Variants in DGKB observed in about 807,000 individuals in gnomAD.
DGKB encodes the protein diacylglycerol kinase beta.
DGKB carries 67 observed loss-of-function variants against 114.3 expected under a neutral mutation model. The observed-to-expected ratio is 0.59, with a 90% CI of 0.48 to 0.72. DGKB has a LOEUF of 0.72. Among genes scored for constraint, DGKB ranks in the 30% least tolerant of loss-of-function variants. The pLI is 0.00. For missense variants in DGKB, 907 were observed against 975.2 expected, an observed-to-expected ratio of 0.93 and a Z score of 0.93; for synonymous variants, 398 against 323.1, an observed-to-expected ratio of 1.23 and a Z score of -2.49.
chr7:14,680,744 TTAAA>T (rs998680594), intron 12 of DGKB, among the ~76,000 whole-genome samples: 1 of 151,866 alleles, frequency 6.6e-6, no homozygotes, highest in Non-Finnish European at 1.5e-5. Context: ...TTCATGGAGA[TTAAA>T]TAGAGAAAGA....
chr7:14,725,141 G>A (rs947826750), intron 5 of DGKB, among the ~76,000 whole-genome samples: 2 of 151,756 alleles, frequency 1.3e-5, no homozygotes, highest in African/African-American at 4.8e-5. Context: ...ACTGCAGTCT[G>A]GGCAACAAAC....
chr7:14,857,047 A>G (rs563647118), intron 1 of DGKB, among the ~76,000 whole-genome samples: 4 of 152,200 alleles, frequency 2.6e-5, no homozygotes, highest in Non-Finnish European at 5.9e-5. Flanking sequence ...AGATGACATT[A>G]TATGTCCAAC....
intron 21 of DGKB, among the ~76,000 whole-genome samples, chr7:14,365,563 C>T (rs74968566): frequency 0.025 from 3,871 of 151,910 alleles, 77 homozygotes; most frequent in South Asian, 0.11. Flanking sequence ...ATATCTATCT[C>T]GTAATTATTA....
chr7:14,348,096 A>C (rs914475779), intron 21 of DGKB, among the ~76,000 whole-genome samples: 2 of 152,036 alleles, frequency 1.3e-5, no homozygotes, highest in East Asian at 3.9e-4. Flanking sequence ...GTTAAGATGC[A>C]GAACAGTCCC....
intron 6 of DGKB, among the ~76,000 whole-genome samples, chr7:14,704,056 CATT>C (rs146132426): frequency 0.056 from 8,454 of 152,092 alleles, 763 homozygotes; most frequent in African/African-American, 0.19. Flanking sequence ...CCTCCCCCAT[CATT>C]ATTTTTTCTT....
chr7:14,177,718 C>T (rs1485060254), intron 24 of DGKB, among the ~76,000 whole-genome samples: 1 of 151,896 alleles, frequency 6.6e-6, no homozygotes, highest in Admixed American at 6.6e-5. Context: ...AGATAATTTG[C>T]CCAGTAAATA....
At chr7:14,886,564 A>G (rs1855083636) in intron 1 of DGKB, among the ~76,000 whole-genome samples, 2 of 151,860 alleles carry the variant, frequency 1.3e-5, no homozygotes. Context: ...TCATTTCCTC[A>G]TATACTAATT....
At chr7:14,376,610 T>G (rs2128667723) in intron 21 of DGKB, among the ~76,000 whole-genome samples, 1 of 152,290 alleles carries the variant, frequency 6.6e-6, no homozygotes, top group Admixed American at 6.5e-5. Flanking sequence ...ATTCACAAAT[T>G]AATGAAACCA....
At chr7:14,316,762 G>T (rs1806623407) in intron 23 of DGKB, among the ~76,000 whole-genome samples, 1 of 151,278 alleles carries the variant, frequency 6.6e-6, no homozygotes, top group Non-Finnish European at 1.5e-5. Flanking sequence ...GAAAAAGAGG[G>T]AATCCTCCCT....
At chr7:14,524,050 T>C (rs751068329) in intron 20 of DGKB, among the ~76,000 whole-genome samples, 34 of 152,174 alleles carry the variant, frequency 2.2e-4, no homozygotes, top group Non-Finnish European at 4.4e-4. Context: ...CAGCTGATAA[T>C]TTTGGATCTT....
At chr7:14,519,422 ATT>A (rs1432762351) in intron 20 of DGKB, among the ~76,000 whole-genome samples, 1 of 152,090 alleles carries the variant, frequency 6.6e-6, no homozygotes, top group Non-Finnish European at 1.5e-5. Context: ...ACATAGCAAT[ATT>A]TTGTTTCTTT....
chr7:14,850,580 C>T (rs1244803508), intron 1 of DGKB, among the ~76,000 whole-genome samples: 1 of 152,094 alleles, frequency 6.6e-6, no homozygotes, highest in East Asian at 1.9e-4. Context: ...TGGTTGATTA[C>T]TTCTGTTTTC....
At chr7:14,640,008 A>G (rs1183637489) in intron 13 of DGKB, among the ~76,000 whole-genome samples, 1 of 152,232 alleles carries the variant, frequency 6.6e-6, no homozygotes, top group African/African-American at 2.4e-5. Flanking sequence ...TGGTTATGTG[A>G]AGAGCCAGAC....
intron 21 of DGKB, among the ~76,000 whole-genome samples, chr7:14,454,128 A>C (rs960472964): frequency 6.6e-6 from 1 of 152,092 alleles, no homozygotes; most frequent in Non-Finnish European, 1.5e-5. Context: ...CAAACATTCA[A>C]CTTTTCTAGT....
At position 14,289,620 on chromosome 7, in the gene DGKB, C is replaced by A. The variant is rs75259695; in HGVS notation, c.2122+48895G>T. Among the ~76,000 whole-genome samples the A allele has an allele frequency of 2.4e-3, 362 of 151,848 alleles. 1 individual carries two copies. The highest frequency in any genetic ancestry group is 8.3e-3 in the African/African-American group (343 of 41,446). On this transcript the variant is annotated intron_variant, in intron 23 of 25. Transcript: ENST00000402815. ...TTTCTACCTAATTCATAGCACTATG[C>A]CATAATAAAGAAGAATAATACTATT...
At chr7:14,744,389 A>C (rs138612037) in intron 4 of DGKB, among the ~76,000 whole-genome samples, 1 of 152,210 alleles carries the variant, frequency 6.6e-6, no homozygotes, top group East Asian at 1.9e-4. Flanking sequence ...CAGAGTCAAT[A>C]AAAGCCCCTT....
chr7:14,549,665 A>G (rs911051251), intron 20 of DGKB, among the ~76,000 whole-genome samples: 2 of 152,140 alleles, frequency 1.3e-5, no homozygotes, highest in Non-Finnish European at 2.9e-5. Flanking sequence ...AAAACACAGA[A>G]AAGTTATCTG....
intron 1 of DGKB, among the ~76,000 whole-genome samples, chr7:14,972,464 A>C (rs921219610): frequency 6.6e-6 from 1 of 152,124 alleles, no homozygotes; most frequent in Non-Finnish European, 1.5e-5. Context: ...AAGGAAAAGA[A>C]AAAAATAACT....
chr7:14,572,499 G>C (rs1798554003), intron 20 of DGKB, among the ~76,000 whole-genome samples: 1 of 151,390 alleles, frequency 6.6e-6, no homozygotes. Context: ...TAGTAACAAT[G>C]ACTCTCCAAA....
Sources: allele counts gnomAD v4.1 joint callset (sites outside exome capture counted in the v4.1 genomes callset), GRCh38; gene constraint gnomAD v4.1.1; transcripts MANE v1.5; gene names NCBI Gene and HGNC (gene_info 2026-07-23, HGNC 2026-07-21).